SH2D7: variants seen among roughly 807,000 people sequenced by gnomAD.
The protein encoded by SH2D7 is SH2 domain-containing protein 7.
SH2D7 carries 32 observed loss-of-function variants against 40.8 expected under a neutral mutation model. That is an observed-to-expected ratio of 0.78 (90% confidence interval 0.59 to 1.05). SH2D7 has a LOEUF of 1.05. SH2D7 is among the 50% of genes least tolerant of loss of function. SH2D7 has a pLI of 0.00. For missense variants in SH2D7, 559 were observed against 566.6 expected (o/e 0.99, Z 0.14); for synonymous variants, 195 against 221.5 (o/e 0.88, Z 1.06).
chr15:78,090,890 C>T (rs1394583615), upstream of SH2D7, among the ~76,000 whole-genome samples: 1 of 152,156 alleles, frequency 6.6e-6, no homozygotes, highest in Non-Finnish European at 1.5e-5. Flanking sequence ...CATGAATCTT[C>T]ACACAGTGAG....
chr15:78,103,434 C>A, intron 5 of SH2D7, 31 bp from the exon 6 acceptor site: 9 of 1,552,440 alleles, frequency 5.8e-6, no homozygotes, highest in Non-Finnish European at 7.8e-6. Flanking sequence ...TCCAGCGACC[C>A]CAGGCCCCAG....
At chr15:78,102,078 C>T (rs2074021623) in intron 5 of SH2D7, among the ~76,000 whole-genome samples, 2 of 152,040 alleles carry the variant, frequency 1.3e-5, no homozygotes, top group Non-Finnish European at 2.9e-5. Context: ...ATGGCAAAAT[C>T]CCATCTCTAT....
rs1022975735 is a variant in SH2D7, at chr15:78,103,924, C to T, written c.*409C>T. The T allele has an allele frequency of 6.1e-6, 1 of 163,194 alleles. No individual in the cohort carries two copies. The highest frequency in any genetic ancestry group is 1.3e-5 in the Non-Finnish European group (1 of 75,272). 10.1% of individuals were successfully genotyped at this position (163,194 alleles called of 1,614,324 possible). On this transcript the variant is annotated 3_prime_UTR_variant, in exon 6 of 6. Coordinates refer to ENST00000328828, the MANE Select transcript of SH2D7 (RefSeq NM_001101404.2). The stretch of plus-strand genomic sequence containing the variant: ...CTAGCACAGACACCTTTCTAACTGG[C>T]CAAGTGACATCATGCAATTGCTACC...
chr15:78,099,524 G>C (rs866675445), intron 4 of SH2D7, among the ~76,000 whole-genome samples: 3 of 135,198 alleles, frequency 2.2e-5, no homozygotes, highest in Admixed American at 7.8e-5. Context: ...ACGGGTTTTC[G>C]CCATGTTGGC....
At chr15:78,098,967 A>G (rs2073994309) in intron 4 of SH2D7, among the ~76,000 whole-genome samples, 1 of 151,620 alleles carries the variant, frequency 6.6e-6, no homozygotes, top group Admixed American at 6.6e-5. Context: ...CTGTGAGTCA[A>G]TATTTTATTC....
At chr15:78,090,926 ACACT>A (rs1047205038), upstream of SH2D7, among the ~76,000 whole-genome samples, 6 of 152,154 alleles carry the variant, frequency 3.9e-5, no homozygotes, top group African/African-American at 1.2e-4. Context: ...CACTCAATCC[ACACT>A]CACTCAACCC....
chr15:78,100,020 G>C (rs77209293), intron 4 of SH2D7, among the ~76,000 whole-genome samples: 1,792 of 152,246 alleles, frequency 0.012, 103 homozygotes, highest in Admixed American at 0.1. Context: ...ACCCTGCTTC[G>C]TTCTTTGTAG....
intron 4 of SH2D7, 34 bp from the exon 5 acceptor site, chr15:78,100,865 C>T (rs2074009403): frequency 6.3e-7 from 1 of 1,598,944 alleles, no homozygotes. Context: ...TGATGGGCTG[C>T]CCCTTAAGAG....
chr15:78,097,955 T>A lies in SH2D7; in HGVS notation c.293T>A (p.Val98Asp), dbSNP rs1298109969. The change falls in exon 3 of 6, where the codon GTC becomes GAC. Residue 98 changes from valine to aspartate, a missense_variant. Physicochemically the swap from Val to Asp is radical, Grantham distance 152. Coordinates refer to ENST00000328828, the MANE Select transcript of SH2D7 (RefSeq NM_001101404.2). ...GGCAGTGATCGCTGCCGACATTTTGTCATCAACCAGCTTCGAAACCGGCGT... is the reference window on the plus strand; with the variant it reads ...GGCAGTGATCGCTGCCGACATTTTGACATCAACCAGCTTCGAAACCGGCGT... ...YRGSDRCRHFVINQLRNRRYI... is the reference protein window; with the variant it reads ...YRGSDRCRHFDINQLRNRRYI... 1.2e-6 allele frequency: 2 copies of A among 1,610,424 alleles called. No homozygotes were observed. Among genetic ancestry groups the A allele is most frequent in the Non-Finnish European group, 1.7e-6 (2 of 1,178,426 alleles).
rs201890047 is a variant in SH2D7, at chr15:78,101,145, G to A, written c.892G>A (p.Val298Ile). Residue 298 changes from valine to isoleucine, a missense_variant, in exon 5 of 6, where the codon GTC (valine) becomes ATC (isoleucine). By Grantham distance (29) the Val-to-Ile change is conservative. Transcript: ENST00000328828. The part of the protein sequence containing the change: ...EQNRPDGLGP[V>I]LSGVSPDQGP... ...GAACAGGCCTGATGGCCTGGGGCCT[G>A]TCCTTTCTGGGGTGAGCCCAGACCA... 19 of 1,561,084 alleles carry A rather than the reference G, an allele frequency of 1.2e-5. No homozygotes were observed. Among genetic ancestry groups the A allele is most frequent in the Non-Finnish European group, 1.6e-5 (18 of 1,157,758 alleles).
rs755543952 is a variant in SH2D7, at chr15:78,101,470, T to A, written c.1217T>A (p.Ile406Asn). Reference sequence around the variant, plus strand: ...CCATGGGTCCATGGCTACAAGAGGATCTCAGGGACCCCAGAGCTCTCAGAG... The same window carrying A: ...CCATGGGTCCATGGCTACAAGAGGAACTCAGGGACCCCAGAGCTCTCAGAG... Reference protein sequence around the residue: ...YSPWVHGYKRISGTPELSEPG... With the variant: ...YSPWVHGYKRNSGTPELSEPG... The change falls in exon 5 of 6, where the codon ATC (isoleucine) becomes AAC (asparagine). Residue 406 changes from isoleucine (I) to asparagine (N), a missense_variant. By Grantham distance (149) the Ile-to-Asn change is moderately radical. Transcript: ENST00000328828. 8 of 1,613,288 alleles carry A rather than the reference T, an allele frequency of 5.0e-6. No individual in the cohort carries two copies. The highest frequency in any genetic ancestry group is 6.8e-6 in the Non-Finnish European group (8 of 1,179,604).
rs759675002 is a variant in SH2D7 at position 78,094,136 on chromosome 15, C to G, written c.201C>G (p.Asp67Glu). 1.9e-6 allele frequency: 3 copies of G among 1,609,304 alleles called. No individual in the cohort carries two copies. The highest frequency in any genetic ancestry group is 2.5e-6 in the Non-Finnish European group (3 of 1,178,084). Residue 67 changes from aspartate to glutamate, a missense_variant, in exon 2 of 6, where the codon GAC becomes GAG. Physicochemically the swap from Asp to Glu is conservative, Grantham distance 45. Coordinates refer to ENST00000328828, the MANE Select transcript of SH2D7 (RefSeq NM_001101404.2). ...TRKQTEQLLR[D>E]KALGSFLIRL... ...GGCAGACGGAGCAGCTACTCAGGGACAAAGCTCTTGGTTCCTTCCTTATCC... is the reference window on the plus strand; with the variant it reads ...GGCAGACGGAGCAGCTACTCAGGGAGAAAGCTCTTGGTTCCTTCCTTATCC...
chr15:78,103,052 T>C (rs549452991), intron 5 of SH2D7, among the ~76,000 whole-genome samples: 42 of 152,086 alleles, frequency 2.8e-4, no homozygotes, highest in African/African-American at 9.4e-4. Context: ...CCACATCCCA[T>C]GTCTGCTCTT....
chr15:78,091,105 C>G (rs2073938305), upstream of SH2D7: 1 of 152,166 alleles, frequency 6.6e-6, no homozygotes, highest in South Asian at 2.1e-4. Context: ...GCCATGAACT[C>G]CTGGCCTCAA....
At chr15:78,097,443 T>G (rs2073980205) in intron 2 of SH2D7, among the ~76,000 whole-genome samples, 1 of 152,212 alleles carries the variant, frequency 6.6e-6, no homozygotes, top group African/African-American at 2.4e-5. Context: ...GAGCTGGAAC[T>G]CCATCATTGC....
chr15:78,096,546 A>G (rs972997677), intron 2 of SH2D7, among the ~76,000 whole-genome samples: 3 of 152,170 alleles, frequency 2.0e-5, no homozygotes, highest in Non-Finnish European at 2.9e-5. Flanking sequence ...ACCTAGCTGG[A>G]GTGCAATGGC....
intron 5 of SH2D7, among the ~76,000 whole-genome samples, chr15:78,101,953 A>G (rs1031261123): frequency 1.3e-5 from 2 of 152,146 alleles, no homozygotes. Context: ...TTACAGATAA[A>G]CAACAAATAT....
rs373723687 is a variant in SH2D7, at chr15:78,098,494, C to T, written c.543C>T (p.Ala181=). ...TCCTCACAGTGGTCCCCGACAAGGC[C>T]GCCAGCCCCCGCTCTTCTCCAAAGC... ...TAFLTVVPDK[A]ASPRSSPKPQ... The change falls in exon 4 of 6, where the codon GCC becomes GCT. Residue 181 remains alanine (A), a synonymous_variant. Coordinates refer to ENST00000328828, the MANE Select transcript of SH2D7 (RefSeq NM_001101404.2). The T allele has an allele frequency of 1.7e-5, 27 of 1,614,014 alleles. No homozygotes were observed. The highest frequency in any genetic ancestry group is 1.3e-4 in the Admixed American group (8 of 60,022).
intron 5 of SH2D7, among the ~76,000 whole-genome samples, chr15:78,103,089 C>T (rs2074028114): frequency 6.6e-6 from 1 of 152,060 alleles, no homozygotes; most frequent in Middle Eastern, 3.2e-3. Flanking sequence ...ATGTCCTCTC[C>T]CATCTCTGTG....
Sources: allele counts gnomAD v4.1 joint callset (sites outside exome capture counted in the v4.1 genomes callset), GRCh38; gene constraint gnomAD v4.1.1; transcripts MANE v1.5; gene names NCBI Gene and HGNC (gene_info 2026-07-23, HGNC 2026-07-21).